Variants in PLAAT3 observed in about 807,000 individuals in gnomAD.
PLAAT3 encodes phospholipase A and acyltransferase 3.
In PLAAT3, 21 loss-of-function variants were observed where a neutral mutation model predicts 16.7. The ratio of observed to expected loss-of-function variants is 1.26; its 90% CI spans 0.89 to 1.81. The LOEUF is 1.81. Among genes scored for constraint, PLAAT3 ranks in the 40% most tolerant of loss-of-function variants. The pLI is 0.00. For missense variants in PLAAT3, 219 were observed against 213.7 expected (o/e 1.02, Z -0.16); for synonymous variants, 76 against 81.7 (o/e 0.93, Z 0.38).
rs962666759 is a variant in PLAAT3, at chr11:63,613,929, C to A, written c.15+71G>T. The A allele has an allele frequency of 4.2e-6, 4 of 958,736 alleles. No individual in the cohort carries two copies. In the African/African-American group the frequency reaches 6.5e-5, roughly 16 times the overall value. The allele number at this position is 958,736 out of a possible 1,614,324, so 59.4% of individuals were successfully genotyped here. A position where few individuals can be genotyped will look rare whatever the true frequency, so the allele number is the denominator to read the frequency against. ...CCTCTCTCGGAAGCAGTAATTCAGG[C>A]TCCGAGACAACGAGTCCCCACTAAC... On this transcript the variant is annotated intron_variant, in intron 2 of 4. Transcript: ENST00000415826.
chr11:63,601,055 A>AT (rs149796053), intron 2 of PLAAT3, among the ~76,000 whole-genome samples: 7 of 145,150 alleles, frequency 4.8e-5, no homozygotes, highest in African/African-American at 1.8e-4. Flanking sequence ...AAAAAAAAAA[A>AT]TTTTTTTTTT....
intron 4 of PLAAT3, among the ~76,000 whole-genome samples, chr11:63,576,362 G>A (rs865950404): frequency 1.3e-5 from 2 of 152,142 alleles, no homozygotes; most frequent in African/African-American, 4.8e-5. Flanking sequence ...GGTGGCTTAC[G>A]CCTGTAATCC....
chr11:63,577,087 T>C (rs918813134), intron 4 of PLAAT3, among the ~76,000 whole-genome samples: 1 of 152,118 alleles, frequency 6.6e-6, no homozygotes, highest in Admixed American at 6.5e-5. Flanking sequence ...GGATATAATT[T>C]GTTAACTATT....
At chr11:63,615,086 A>ATATATGTGTATATATG (rs1565259636), upstream of PLAAT3, among the ~76,000 whole-genome samples, 39 of 20,180 alleles carry the variant, frequency 1.9e-3, no homozygotes, top group Non-Finnish European at 4.5e-3. Flanking sequence ...GTGTGTATAT[A>ATATATGTGTATATATG]TGTGTATATA....
intron 2 of PLAAT3, among the ~76,000 whole-genome samples, chr11:63,599,029 A>C (rs929502816): frequency 3.9e-5 from 6 of 152,164 alleles, no homozygotes; most frequent in African/African-American, 1.4e-4. Flanking sequence ...CCATCCATTC[A>C]ACATTATCCA....
chr11:63,603,739 CACACACACACACACA>C (rs1938489738), intron 2 of PLAAT3, among the ~76,000 whole-genome samples: 3 of 142,276 alleles, frequency 2.1e-5, no homozygotes, highest in Admixed American at 7.3e-5. Context: ...CACACACACA[CACACACACACACACA>C]GACAGAGATA....
upstream of PLAAT3, among the ~76,000 whole-genome samples, chr11:63,615,017 A>AATAT (rs1338719563): frequency 7.7e-3 from 135 of 17,430 alleles, 18 homozygotes; most frequent in South Asian, 0.011. Flanking sequence ...TCAGTCTCAA[A>AATAT]ATATATATAT....
At chr11:63,583,206 C>G (rs2134396942) in intron 4 of PLAAT3, among the ~76,000 whole-genome samples, 1 of 152,264 alleles carries the variant, frequency 6.6e-6, no homozygotes, top group South Asian at 2.1e-4. Context: ...TGAGGTTTGA[C>G]TGCTGCTAAG....
chr11:63,613,931 C>G, intron 2 of PLAAT3, 69 bp downstream of exon 2: 1 of 985,072 alleles, frequency 1.0e-6, no homozygotes. Flanking sequence ...AATTCAGGCT[C>G]CGAGACAACG....
chr11:63,589,942 C>T (rs1466466300), intron 4 of PLAAT3, among the ~76,000 whole-genome samples, 158 bp downstream of exon 4: 1 of 112,788 alleles, frequency 8.9e-6, no homozygotes, highest in African/African-American at 4.9e-5. Context: ...TCTCTCCCCA[C>T]CCTTGTCCCC....
chr11:63,580,146 G>C (rs1408506077), intron 4 of PLAAT3, among the ~76,000 whole-genome samples: 2 of 152,172 alleles, frequency 1.3e-5, no homozygotes, highest in Non-Finnish European at 2.9e-5. Context: ...TACTACTAGA[G>C]AGACTGGAAG....
intron 4 of PLAAT3, among the ~76,000 whole-genome samples, chr11:63,583,086 C>T (rs1330614005): frequency 2.6e-5 from 4 of 152,088 alleles, no homozygotes; most frequent in African/African-American, 9.7e-5. Context: ...GCCGAGATCA[C>T]ACCTCTGCAC....
At chr11:63,616,839 C>G (rs1044472417), upstream of PLAAT3, 1 of 151,910 alleles carries the variant, frequency 6.6e-6, no homozygotes, top group Non-Finnish European at 1.5e-5. Flanking sequence ...AAAAATTAGC[C>G]GGGCGAGGTG....
chr11:63,574,932 C>T lies in PLAAT3; in HGVS notation c.*13G>A, dbSNP rs770039338. 1 of 1,501,162 alleles carries T rather than the reference C, an allele frequency of 6.7e-7. No individual in the cohort carries two copies. Among genetic ancestry groups the T allele is most frequent in the Non-Finnish European group, 9.3e-7 (1 of 1,076,642 alleles). 93.0% of individuals were successfully genotyped at this position (1,501,162 alleles called of 1,614,324 possible). A position where few individuals can be genotyped will look rare whatever the true frequency, so the allele number is the denominator to read the frequency against. On this transcript the variant is annotated 3_prime_UTR_variant, in exon 5 of 5. Coordinates refer to ENST00000415826, the MANE Select transcript of PLAAT3 (RefSeq NM_001128203.2). Reference sequence around the variant, plus strand: ...ATGTATAAAGTCATCGCTGACAGGACAGTCTTTTTCAGTTATTGCTTTTGT... The same window carrying T: ...ATGTATAAAGTCATCGCTGACAGGATAGTCTTTTTCAGTTATTGCTTTTGT...
intron 2 of PLAAT3, 105 bp downstream of exon 2, chr11:63,613,895 C>T: frequency 2.7e-6 from 2 of 740,492 alleles, no homozygotes; most frequent in Non-Finnish European, 4.7e-6. Flanking sequence ...GCCCCACATC[C>T]TCGAGGCTCC....
At chr11:63,594,562 G>A (rs1344693800) in intron 3 of PLAAT3, among the ~76,000 whole-genome samples, 1 of 151,978 alleles carries the variant, frequency 6.6e-6, no homozygotes, top group Non-Finnish European at 1.5e-5. Context: ...GAACTGCTCT[G>A]TCAGGGGGGC....
At chr11:63,579,872 TA>T (rs34817353) in intron 4 of PLAAT3, among the ~76,000 whole-genome samples, 1,737 of 107,090 alleles carry the variant, frequency 0.016, 24 homozygotes, top group African/African-American at 0.044. Context: ...TAAAGTATAA[TA>T]AAAAAAAAAA....
At chr11:63,591,652 T>C (rs149023601) in intron 3 of PLAAT3, among the ~76,000 whole-genome samples, 2 of 152,358 alleles carry the variant, frequency 1.3e-5, no homozygotes, top group African/African-American at 4.8e-5. Flanking sequence ...ATAAACCTTT[T>C]CAGCCTGCAT....
upstream of PLAAT3, among the ~76,000 whole-genome samples, chr11:63,615,076 G>GTGTATA (rs1283792028): frequency 6.3e-5 from 2 of 31,710 alleles, 1 homozygote; most frequent in Non-Finnish European, 1.8e-4. Flanking sequence ...GTGTATATAT[G>GTGTATA]TGTGTATATA....
Sources: gnomAD v4.1 joint callset for allele counts (sites outside exome capture counted in the v4.1 genomes callset) on GRCh38, gnomAD v4.1.1 for gene constraint, MANE v1.5 for transcripts, NCBI Gene and HGNC (gene_info 2026-07-23, HGNC 2026-07-21) for gene names.